Variants in ADCY8 observed in about 807,000 individuals in gnomAD.
The protein encoded by ADCY8 is adenylate cyclase type 8.
ADCY8 carries 51 observed loss-of-function variants against 119.7 expected under a neutral mutation model. The ratio of observed to expected loss-of-function variants is 0.43; its 90% CI spans 0.34 to 0.54. The LOEUF is 0.54. Among genes scored for constraint, ADCY8 ranks in the 20% least tolerant of loss-of-function variants. The pLI, the probability that ADCY8 is intolerant of heterozygous loss-of-function variation, is 0.03. For synonymous variants in ADCY8, 665 were observed against 651.0 expected, an observed-to-expected ratio of 1.02 and a Z score of -0.33; for missense variants, 1,383 against 1,598.8, an observed-to-expected ratio of 0.87 and a Z score of 2.30.
intron 5 of ADCY8, among the ~76,000 whole-genome samples, chr8:130,914,274 A>G (rs1434177935): frequency 6.6e-6 from 1 of 152,232 alleles, no homozygotes; most frequent in Non-Finnish European, 1.5e-5. Flanking sequence ...TGAGCCCCGA[A>G]GGATATAATA....
chr8:130,825,759 G>A (rs1765757795), intron 12 of ADCY8, among the ~76,000 whole-genome samples: 1 of 152,178 alleles, frequency 6.6e-6, no homozygotes, highest in Non-Finnish European at 1.5e-5. Context: ...TCTTCGCTGT[G>A]TCCTGCCTAT....
chr8:130,897,797 C>G (rs1563718879), intron 7 of ADCY8, among the ~76,000 whole-genome samples: 1 of 69,296 alleles, frequency 1.4e-5, no homozygotes, highest in African/African-American at 5.6e-5. Flanking sequence ...CTCACACACA[C>G]CATACCACAC....
intron 7 of ADCY8, 58 bp from the exon 8 acceptor site, chr8:130,884,819 G>T: frequency 6.6e-7 from 1 of 1,510,628 alleles, no homozygotes; most frequent in Non-Finnish European, 9.2e-7. Context: ...AGATAAAACA[G>T]AAATGCAATG....
At chr8:130,954,208 C>T (rs1821356431) in intron 2 of ADCY8, among the ~76,000 whole-genome samples, 1 of 152,034 alleles carries the variant, frequency 6.6e-6, no homozygotes. Context: ...GTTTTAATAA[C>T]CAGAGTGAGA....
At chr8:130,813,799 A>G (rs908186162) in intron 14 of ADCY8, among the ~76,000 whole-genome samples, 3 of 152,168 alleles carry the variant, frequency 2.0e-5, no homozygotes, top group African/African-American at 7.2e-5. Flanking sequence ...ATACATATAT[A>G]TACATATATA....
At chr8:131,035,216 C>T (rs753432132) in intron 1 of ADCY8, among the ~76,000 whole-genome samples, 1 of 152,036 alleles carries the variant, frequency 6.6e-6, no homozygotes, top group Non-Finnish European at 1.5e-5. Flanking sequence ...GGATTGGGTG[C>T]GGTTTCATAA....
At chr8:130,987,348 C>T (rs1437939883) in intron 2 of ADCY8, among the ~76,000 whole-genome samples, 1 of 152,166 alleles carries the variant, frequency 6.6e-6, no homozygotes, top group South Asian at 2.1e-4. Context: ...GCTTCTTCTA[C>T]ACCTGGTAAA....
intron 11 of ADCY8, 114 bp from the exon 12 acceptor site, chr8:130,836,563 T>G: frequency 8.8e-7 from 1 of 1,138,798 alleles, no homozygotes; most frequent in Non-Finnish European, 1.2e-6. Flanking sequence ...TTTGGAGGTC[T>G]CAAGGCCTCC....
intron 8 of ADCY8, among the ~76,000 whole-genome samples, chr8:130,869,508 A>G (rs5026641): frequency 7.3e-6 from 1 of 137,102 alleles, no homozygotes; most frequent in African/African-American, 2.8e-5. Flanking sequence ...TATTTTGTTT[A>G]TTTTTTTTTG....
chr8:130,928,673 A>G (rs1306446768), intron 5 of ADCY8, among the ~76,000 whole-genome samples: 1 of 152,188 alleles, frequency 6.6e-6, no homozygotes, highest in Admixed American at 6.5e-5. Flanking sequence ...TTGTTTTTCT[A>G]GAATTTTATT....
chr8:130,805,215 G>A (rs977311133), intron 14 of ADCY8, among the ~76,000 whole-genome samples: 8 of 152,174 alleles, frequency 5.3e-5, no homozygotes, highest in African/African-American at 1.9e-4. Flanking sequence ...TGTTTACCAT[G>A]TCCCCATGAG....
chr8:130,856,384 T>C (rs1200676752), intron 9 of ADCY8, among the ~76,000 whole-genome samples: 1 of 152,028 alleles, frequency 6.6e-6, no homozygotes, highest in Non-Finnish European at 1.5e-5. Flanking sequence ...TTGCCAGGAA[T>C]GTTAACACCT....
At chr8:130,878,797 CAA>C (rs1220709214) in intron 8 of ADCY8, among the ~76,000 whole-genome samples, 3 of 152,000 alleles carry the variant, frequency 2.0e-5, no homozygotes, top group Non-Finnish European at 4.4e-5. Flanking sequence ...AATTAAGAAT[CAA>C]GAGGAAAAAT....
chr8:130,806,159 C>T (rs990878714), intron 14 of ADCY8, among the ~76,000 whole-genome samples: 2 of 152,150 alleles, frequency 1.3e-5, no homozygotes, highest in African/African-American at 4.8e-5. Context: ...TGAGGTGACT[C>T]CTCTGACCAC....
chr8:130,973,449 G>A lies in ADCY8; in HGVS notation c.1110+16944C>T, dbSNP rs539883034. On this transcript the variant is annotated intron_variant, in intron 2 of 17. Transcript: ENST00000286355. ...ATGTACCTGCACTAGCTTGCTGGAG[G>A]ATGAGAGGGCACATGGTGAAGAATT... Among the ~76,000 whole-genome samples, 324 of 152,310 alleles carry A rather than the reference G, an allele frequency of 2.1e-3. 1 individual carries two copies. The highest frequency in any genetic ancestry group is 7.3e-3 in the African/African-American group (303 of 41,558).
At position 130,903,808 on chromosome 8, in the gene ADCY8, A is replaced by G; in HGVS notation, c.1875T>C (p.Pro625=). The change falls in exon 7 of 18, where the codon CCT becomes CCC. Residue 625 remains proline (P), a synonymous_variant. Coordinates refer to ENST00000286355, the MANE Select transcript of ADCY8 (RefSeq NM_001115.3). ...GATFTEGSWS[P]ELPFDNIVGK... ...CCACGATATTATCAAAGGGCAGTTC[A>G]GGGCTCCAGGATCCTTCAGTGAATG... is the stretch of plus-strand genomic sequence containing the variant. 1 of 1,613,316 alleles carries G rather than the reference A, an allele frequency of 6.2e-7. No homozygotes were observed. The highest frequency in any genetic ancestry group is 8.5e-7 in the Non-Finnish European group (1 of 1,179,982).
At chr8:130,893,593 C>CCATTTTCTTGTGAA (rs1226979738) in intron 7 of ADCY8, among the ~76,000 whole-genome samples, 28 of 152,044 alleles carry the variant, frequency 1.8e-4, no homozygotes, top group Non-Finnish European at 3.1e-4. Context: ...CTAAGTTACT[C>CCATTTTCTTGTGAA]CATTTTCTTG....
chr8:130,832,755 A>G (rs1816877078), intron 12 of ADCY8, among the ~76,000 whole-genome samples: 1 of 152,206 alleles, frequency 6.6e-6, no homozygotes, highest in Admixed American at 6.5e-5. Context: ...GAAGACCTCC[A>G]AACAGAATCC....
intron 2 of ADCY8, among the ~76,000 whole-genome samples, chr8:130,976,690 G>A (rs1435697011): frequency 1.3e-5 from 2 of 152,026 alleles, no homozygotes; most frequent in African/African-American, 4.8e-5. Context: ...ATTTATTCAA[G>A]AAGATCATAT....
Sources: allele counts gnomAD v4.1 joint callset (sites outside exome capture counted in the v4.1 genomes callset), GRCh38; gene constraint gnomAD v4.1.1; transcripts MANE v1.5; gene names NCBI Gene and HGNC (gene_info 2026-07-23, HGNC 2026-07-21).